Variants in LRCH4 observed in about 807,000 individuals in gnomAD.
LRCH4 encodes the protein leucine rich repeats and calponin homology domain containing 4, also known as leucine-rich repeat and calponin homology domain-containing protein 4.
In LRCH4, 56 loss-of-function variants were observed where a neutral mutation model predicts 81.2. The observed-to-expected ratio is 0.69, with a 90% CI of 0.56 to 0.86. The LOEUF (loss-of-function observed/expected upper bound fraction) is 0.86. LRCH4 is among the 40% of genes least tolerant of loss of function. The pLI, the probability that LRCH4 is intolerant of heterozygous loss-of-function variation, is 0.00. For synonymous variants in LRCH4, 442 were observed against 409.7 expected (o/e 1.08, Z -0.95); for missense variants, 895 against 922.8 (o/e 0.97, Z 0.39).
At position 100,578,454 on chromosome 7, in the gene LRCH4, G is replaced by A. The variant is rs747681853; in HGVS notation, c.793C>T (p.Arg265Cys). The A allele has an allele frequency of 1.3e-5, 21 of 1,613,990 alleles. No individual in the cohort carries two copies. The East Asian group carries it at 1.3e-4, about 10-fold the overall frequency. The change falls in exon 6 of 18, where the codon CGT (arginine) becomes TGT (cysteine). Residue 265 changes from arginine (R) to cysteine (C), a missense_variant. Transcript: ENST00000310300. The surrounding 1 kb of genome is among the most constrained non-coding windows in gnomAD (Gnocchi z 5.7). ...FKYLSTEAGQRGSALGDLAPS... is the reference protein window; with the variant it reads ...FKYLSTEAGQCGSALGDLAPS... Reference sequence around the variant, plus strand: ...GCCAGGTCCCCCAGGGCCGACCCACGCTGCCCGGCCTCTGTGGACAAATAC... The same window carrying A: ...GCCAGGTCCCCCAGGGCCGACCCACACTGCCCGGCCTCTGTGGACAAATAC...
At chr7:100,576,499 A>G in intron 14 of LRCH4, 176 bp from the exon 15 acceptor site, 1 of 668,046 alleles carries the variant, frequency 1.5e-6, no homozygotes, top group East Asian at 2.7e-5. Flanking sequence ...CCTGGGCTCA[A>G]GCGATCCTCC....
At position 100,578,216 on chromosome 7, in the gene LRCH4, CCCA is replaced by C. The variant is rs577330097; in HGVS notation, c.888_890del (p.Gly297del). On this transcript the variant is annotated inframe_deletion, in exon 7 of 18. Transcript: ENST00000310300. The surrounding 1 kb of genome is among the most constrained non-coding windows in gnomAD (Gnocchi z 5.7). ...CAACGCTGTGGAAGCCTGAGTCCAGCCCACCATCGTACCGATGTCCCGGAAATA... is the reference window on the plus strand; with the variant it reads ...CAACGCTGTGGAAGCCTGAGTCCAGCCCATCGTACCGATGTCCCGGAAATA... 1.9e-5 allele frequency: 30 copies of C among 1,614,132 alleles called. No individual in the cohort carries two copies. The African/African-American group carries it at 3.3e-4, about 18-fold the overall frequency.
At position 100,577,449 on chromosome 7, in the gene LRCH4, G is replaced by C; in HGVS notation, c.1178+48C>G. 2 of 1,602,552 alleles carry C rather than the reference G, an allele frequency of 1.2e-6. No homozygotes were observed. Among genetic ancestry groups the C allele is most frequent in the Non-Finnish European group, 1.7e-6 (2 of 1,179,750 alleles). On this transcript the variant is annotated intron_variant, in intron 10 of 17. Coordinates refer to ENST00000310300, the MANE Select transcript of LRCH4 (RefSeq NM_002319.5). This position sits in a 1 kb window ranked among gnomAD's most constrained non-coding sequence, Gnocchi z 6.7. ...CCGGGGTCAGGGAAGGAGGCGGTTG[G>C]GGGGTGGGAGGATCGGGCAGTGGCG...
rs1445726032 is a variant in LRCH4 at position 100,574,028 on chromosome 7, C to G, written c.*1079G>C. ...AGACACAGTTACACCTGAGGGCCAC[C>G]CAGAGGGCTTCTGGCTTCTGTTTAT... On this transcript the variant is annotated 3_prime_UTR_variant, in exon 18 of 18. Transcript: ENST00000310300. The G allele has an allele frequency of 5.9e-6, 1 of 168,852 alleles. No homozygotes were observed. Among genetic ancestry groups the G allele is most frequent in the East Asian group, 1.6e-4 (1 of 6,426 alleles). The allele number at this position is 168,852 out of a possible 1,614,324, so 10.5% of individuals were successfully genotyped here. A position where few individuals can be genotyped will look rare whatever the true frequency, so the allele number is the denominator to read the frequency against.
rs373068157 is a variant in LRCH4, at chr7:100,577,464, G to T, written c.1178+33C>A. 1 of 1,604,360 alleles carries T rather than the reference G, an allele frequency of 6.2e-7. No individual in the cohort carries two copies. The highest frequency in any genetic ancestry group is 8.5e-7 in the Non-Finnish European group (1 of 1,179,814). ...GAGGCGGTTGGGGGGTGGGAGGATCGGGCAGTGGCGTCAGTTTGGGGGCTT... is the reference window on the plus strand; with the variant it reads ...GAGGCGGTTGGGGGGTGGGAGGATCTGGCAGTGGCGTCAGTTTGGGGGCTT... On this transcript the variant is annotated intron_variant, in intron 10 of 17. Coordinates refer to ENST00000310300, the MANE Select transcript of LRCH4 (RefSeq NM_002319.5). The surrounding 1 kb of genome is among the most constrained non-coding windows in gnomAD (Gnocchi z 6.7).
chr7:100,577,219 C>G lies in LRCH4; in HGVS notation c.1295+54G>C, dbSNP rs1801392932. The G allele has an allele frequency of 6.2e-7, 1 of 1,608,276 alleles. No individual in the cohort carries two copies. The highest frequency in any genetic ancestry group is 1.3e-5 in the African/African-American group (1 of 74,890). On this transcript the variant is annotated intron_variant, in intron 11 of 17. Coordinates refer to ENST00000310300, the MANE Select transcript of LRCH4 (RefSeq NM_002319.5). This position sits in a 1 kb window ranked among gnomAD's most constrained non-coding sequence, Gnocchi z 6.7. ...GAACGGCTCAGCGGGGCTCGGTGGC[C>G]CCATTTCCAGGGCTCAGTGTCCAGC...
At chr7:100,579,991 G>A (rs1192488143) in intron 4 of LRCH4, 2 of 152,244 alleles carry the variant, frequency 1.3e-5, no homozygotes, top group East Asian at 3.9e-4. Flanking sequence ...GGCAGGTGCA[G>A]AAAGGGTCAG....
At position 100,576,718 on chromosome 7, in the gene LRCH4, G is replaced by A. The variant is rs745480050; in HGVS notation, c.1528C>T (p.Arg510Cys). 6.9e-6 allele frequency: 11 copies of A among 1,596,256 alleles called. No individual in the cohort carries two copies. The highest frequency in any genetic ancestry group is 2.7e-5 in the African/African-American group (2 of 74,776). ...SIQRPNSFLF[R>C]SSSQSGSGPS... ...CCTGAGCCACTCTGAGAGGAGGAAC[G>A]GAAGAGGAAGCTGTTTGGTCTCTGA... is the stretch of plus-strand genomic sequence containing the variant. The change falls in exon 14 of 18, where the codon CGT becomes TGT. Residue 510 changes from arginine to cysteine, a missense_variant. Physicochemically the swap from Arg to Cys is radical, Grantham distance 180. Transcript: ENST00000310300.
At chr7:100,579,929 T>A (rs1019259502) in intron 4 of LRCH4, 1 of 152,230 alleles carries the variant, frequency 6.6e-6, no homozygotes, top group African/African-American at 2.4e-5. Flanking sequence ...TTGGATTTCT[T>A]TTTATGGCCC....
chr7:100,578,426 G>A lies in LRCH4; in HGVS notation c.821C>T (p.Pro274Leu), dbSNP rs753836677. 2 of 1,613,970 alleles carry A rather than the reference G, an allele frequency of 1.2e-6. No individual in the cohort carries two copies. Among genetic ancestry groups the A allele is most frequent in the South Asian group, 1.1e-5 (1 of 91,050 alleles). Residue 274 changes from proline (P) to leucine (L), a missense_variant, in exon 6 of 18, where the codon CCT becomes CTT. By Grantham distance (98) the Pro-to-Leu change is moderately conservative. Transcript: ENST00000310300. This position sits in a 1 kb window ranked among gnomAD's most constrained non-coding sequence, Gnocchi z 5.7. ...GGGACTGAAACTCGGGGGCCGAGAAGGGGCCAGGTCCCCCAGGGCCGACCC... is the reference window on the plus strand; with the variant it reads ...GGGACTGAAACTCGGGGGCCGAGAAAGGGCCAGGTCCCCCAGGGCCGACCC... ...QRGSALGDLAPSRPPSFSPCP... is the reference protein window; with the variant it reads ...QRGSALGDLALSRPPSFSPCP...
rs778434047 is a variant in LRCH4 at position 100,577,621 on chromosome 7, C to T, written c.1116+43G>A. ...GTGCCCACGCCTGCCCTGTCCCCTC[C>T]TCCAGCTCCCCTCCCTTGGGAGAGG... On this transcript the variant is annotated intron_variant, in intron 9 of 17. Coordinates refer to ENST00000310300, the MANE Select transcript of LRCH4 (RefSeq NM_002319.5). The surrounding 1 kb of genome is among the most constrained non-coding windows in gnomAD (Gnocchi z 6.7). The T allele has an allele frequency of 1.2e-5, 19 of 1,612,334 alleles. No homozygotes were observed. In the East Asian group the frequency reaches 1.8e-4, roughly 15 times the overall value.
At position 100,581,856 on chromosome 7, in the gene LRCH4, G is replaced by A. The variant is rs772195225; in HGVS notation, c.519C>T (p.Ser173=). The A allele has an allele frequency of 6.2e-7, 1 of 1,614,172 alleles. No homozygotes were observed. The highest frequency in any genetic ancestry group is 8.5e-7 in the Non-Finnish European group (1 of 1,180,026). The change falls in exon 4 of 18, where the codon TCC becomes TCT. Residue 173 remains serine, a synonymous_variant. Coordinates refer to ENST00000310300, the MANE Select transcript of LRCH4 (RefSeq NM_002319.5). The part of the protein sequence containing the change: ...QLDVSSNELQ[S]LPSELCGLSS... ...AGAGGCCACACAGTTCCGAGGGCAGGGATTGGAGCTCGTTGCTGCTCACGT... is the reference window on the plus strand; with the variant it reads ...AGAGGCCACACAGTTCCGAGGGCAGAGATTGGAGCTCGTTGCTGCTCACGT...
intron 1 of LRCH4, chr7:100,585,191 T>A (rs1409371381): frequency 1.0e-5 from 2 of 195,742 alleles, no homozygotes; most frequent in African/African-American, 4.7e-5. Context: ...AATTCTAAGA[T>A]CCCTATGAGG....
chr7:100,582,431 C>G lies in LRCH4; in HGVS notation c.249G>C (p.Val83=). Residue 83 remains valine (V), a synonymous_variant, in exon 2 of 18, where the codon GTG becomes GTC. Coordinates refer to ENST00000310300, the MANE Select transcript of LRCH4 (RefSeq NM_002319.5). This position sits in a 1 kb window ranked among gnomAD's most constrained non-coding sequence, Gnocchi z 5.0. ...ADLSRNRFPE[V]PEAACQLVSL... is the part of the protein sequence containing the mutation. Reference sequence around the variant, plus strand: ...ACACCAGCTGGCACGCCGCCTCGGGCACCTCGGGAAACCGGTTCCGGGACA... The same window carrying G: ...ACACCAGCTGGCACGCCGCCTCGGGGACCTCGGGAAACCGGTTCCGGGACA... The G allele has an allele frequency of 6.2e-7, 1 of 1,612,070 alleles. No homozygotes were observed. The highest frequency in any genetic ancestry group is 8.5e-7 in the Non-Finnish European group (1 of 1,179,956).
chr7:100,577,541 T>C lies in LRCH4; in HGVS notation c.1134A>G (p.Glu378=). 2 of 1,610,784 alleles carry C rather than the reference T, an allele frequency of 1.2e-6. No individual in the cohort carries two copies. The highest frequency in any genetic ancestry group is 8.5e-7 in the Non-Finnish European group (1 of 1,179,958). ...CCCTGTCCCCTGCCCCAGGGCTTAA[T>C]TCGGGTGGTCGCTGCTCCTAAGGAG... ...RGTVEEQRPP[E]LSPGAGDRER... is the part of the protein sequence containing the mutation. The change falls in exon 10 of 18, where the codon GAA becomes GAG. Residue 378 remains glutamate, a synonymous_variant. Coordinates refer to ENST00000310300, the MANE Select transcript of LRCH4 (RefSeq NM_002319.5). This position sits in a 1 kb window ranked among gnomAD's most constrained non-coding sequence, Gnocchi z 6.7.
At chr7:100,576,591 A>C in intron 14 of LRCH4, 103 bp downstream of exon 14, 1 of 888,828 alleles carries the variant, frequency 1.1e-6, no homozygotes. Flanking sequence ...ACGCAAAGGT[A>C]CAAAAGGTAC....
chr7:100,586,119 G>T lies in LRCH4; in HGVS notation c.-19C>A. Reference sequence around the variant, plus strand: ...CCGCCATCCGCTCCCGGCGGCTCCCGCTGCCTGACTGACGGGACCGGCCGT... The same window carrying T: ...CCGCCATCCGCTCCCGGCGGCTCCCTCTGCCTGACTGACGGGACCGGCCGT... On this transcript the variant is annotated 5_prime_UTR_variant, in exon 1 of 18. Transcript: ENST00000310300. The T allele has an allele frequency of 6.6e-7, 1 of 1,504,486 alleles. No individual in the cohort carries two copies. Among genetic ancestry groups the T allele is most frequent in the East Asian group, 2.5e-5 (1 of 39,688 alleles). The allele number at this position is 1,504,486 out of a possible 1,614,324, so 93.2% of individuals were successfully genotyped here.
rs749633558 is a variant in LRCH4, at chr7:100,575,238, C to G, written c.1921G>C (p.Ala641Pro). Reference protein sequence around the residue: ...TARGLRTALEAVKRVGGKALP... With the variant: ...TARGLRTALEPVKRVGGKALP... ...GCCTTGCCCCCCACCCGCTTCACGG[C>G]CTCCAGCGCGGTCCGCAGCCCCCGG... Residue 641 changes from alanine (A) to proline (P), a missense_variant, in exon 18 of 18, where the codon GCC (alanine) becomes CCC (proline). By Grantham distance (27) the Ala-to-Pro change is conservative. Transcript: ENST00000310300. This position sits in a 1 kb window ranked among gnomAD's most constrained non-coding sequence, Gnocchi z 5.3. 5.6e-6 allele frequency: 9 copies of G among 1,599,404 alleles called. No individual in the cohort carries two copies. The South Asian group carries it at 8.9e-5, about 16-fold the overall frequency.
chr7:100,575,398 G>A lies in LRCH4; in HGVS notation c.1855-94C>T. The A allele has an allele frequency of 1.7e-6, 2 of 1,207,858 alleles. No homozygotes were observed. The highest frequency in any genetic ancestry group is 1.4e-5 in the South Asian group (1 of 72,172). 74.8% of individuals were successfully genotyped at this position (1,207,858 alleles called of 1,614,324 possible). A position where few individuals can be genotyped will look rare whatever the true frequency, so the allele number is the denominator to read the frequency against. ...TCCCACCCCTGCCCTCACGTGCTGG[G>A]GCCAGAACCACGCCCACATGCTGAC... is the stretch of plus-strand genomic sequence containing the variant. On this transcript the variant is annotated intron_variant, in intron 17 of 17. Transcript: ENST00000310300. This position sits in a 1 kb window ranked among gnomAD's most constrained non-coding sequence, Gnocchi z 5.3.
Sources: allele counts gnomAD v4.1 joint callset, GRCh38; gene constraint gnomAD v4.1.1; non-coding constraint Gnocchi (gnomAD v3.1); transcripts MANE v1.5; gene names NCBI Gene and HGNC (gene_info 2026-07-23, HGNC 2026-07-21).